PAK6: variants seen among roughly 807,000 people sequenced by gnomAD.
The protein encoded by PAK6 is p21 (RAC1) activated kinase 6, also known as serine/threonine-protein kinase PAK 6.
A neutral mutation model predicts 60.8 loss-of-function variants in PAK6; 33 were observed. The ratio of observed to expected loss-of-function variants is 0.54; its 90% CI spans 0.41 to 0.73. The LOEUF (loss-of-function observed/expected upper bound fraction) is 0.73, where lower values mean the gene tolerates loss of function less well. Ranked by LOEUF, PAK6 falls within the 30% of genes least tolerant of loss-of-function variation. The pLI is 0.00. For synonymous variants in PAK6, 404 were observed against 378.5 expected, an observed-to-expected ratio of 1.07 and a Z score of -0.78; for missense variants, 845 against 904.1, an observed-to-expected ratio of 0.93 and a Z score of 0.84.
chr15:40,249,290 G>T (rs1038906849), intron 2 of PAK6, among the ~76,000 whole-genome samples: 1 of 144,112 alleles, frequency 6.9e-6, no homozygotes, highest in Non-Finnish European at 1.5e-5. Context: ...AATCTTGGGG[G>T]ACATAGGTTT....
chr15:40,270,820 G>A (rs939577861), intron 5 of PAK6, among the ~76,000 whole-genome samples: 2 of 152,224 alleles, frequency 1.3e-5, no homozygotes, highest in Non-Finnish European at 2.9e-5. Context: ...CATGGCTGTC[G>A]GCCAGCAGGA....
chr15:40,275,371 C>T (rs549921461), intron 10 of PAK6, among the ~76,000 whole-genome samples: 10 of 137,100 alleles, frequency 7.3e-5, no homozygotes, highest in Admixed American at 8.1e-5. Context: ...CTGCAACCTC[C>T]GCCTCCTGGG....
chr15:40,252,517 C>G (rs745846311), intron 2 of PAK6: 5 of 1,363,314 alleles, frequency 3.7e-6, no homozygotes, highest in South Asian at 1.1e-5. Context: ...GGTTCGCCGC[C>G]GCGTCCTACC....
chr15:40,270,068 G>A (rs2039259903), intron 5 of PAK6, among the ~76,000 whole-genome samples: 1 of 152,206 alleles, frequency 6.6e-6, no homozygotes, highest in Non-Finnish European at 1.5e-5. Flanking sequence ...ATGGGTGCCT[G>A]GAGAGCATGT....
chr15:40,270,785 TG>T (rs1385257495), intron 5 of PAK6, among the ~76,000 whole-genome samples: 3 of 152,170 alleles, frequency 2.0e-5, no homozygotes, highest in Non-Finnish European at 2.9e-5. Flanking sequence ...CAGGCAGGTG[TG>T]GGGGTGGCAG....
At chr15:40,239,100 G>A (rs1435624449), upstream of PAK6, 1 of 152,270 alleles carries the variant, frequency 6.6e-6, no homozygotes. Flanking sequence ...CAAACGAGCA[G>A]GTCGATGCCT....
intron 6 of PAK6, 24 bp downstream of exon 6, chr15:40,272,745 G>A (rs761795518): frequency 1.3e-6 from 2 of 1,578,836 alleles, no homozygotes; most frequent in Non-Finnish European, 1.7e-6. Context: ...GTGGGACACA[G>A]ACGGGGGCGT....
intron 3 of PAK6, among the ~76,000 whole-genome samples, chr15:40,263,289 C>T (rs2039031751): frequency 6.6e-6 from 1 of 152,214 alleles, no homozygotes; most frequent in Non-Finnish European, 1.5e-5. Context: ...GTTTCAGTTT[C>T]TTGAAGCCTG....
In PAK6 at chr15:40,273,680, AC is replaced by A. The variant is rs1286007424; in HGVS notation, c.1743+6del. ...CAGGTCTTTGTATGCCACTGAGGTA[AC>A]CGTTCCCTCCACCCCCCAGACCTCC... On this transcript the variant is annotated splice_donor_5th_base_variant and intron_variant, in intron 9 of 10. Coordinates refer to ENST00000560346, the Ensembl canonical transcript of PAK6. The A allele has an allele frequency of 6.2e-7, 1 of 1,613,288 alleles. No homozygotes were observed. The highest frequency in any genetic ancestry group is 8.5e-7 in the Non-Finnish European group (1 of 1,179,526).
chr15:40,272,935 G>C (rs760026583), exon 7 of PAK6: 11 of 1,614,094 alleles, frequency 6.8e-6, no homozygotes, highest in Non-Finnish European at 9.3e-6. Context: ...GGTGGGCGAG[G>C]AGCTGTGGGT....
At chr15:40,266,576 G>A (rs1301538218) in intron 5 of PAK6, 81 bp downstream of exon 5, 5 of 1,385,646 alleles carry the variant, frequency 3.6e-6, no homozygotes, top group African/African-American at 1.5e-5. Flanking sequence ...TCCCCTTGGA[G>A]GACTGGCAAA....
At chr15:40,265,680 G>C (rs549872334) in intron 4 of PAK6, among the ~76,000 whole-genome samples, 162 bp from the exon 5 acceptor site, 1 of 152,330 alleles carries the variant, frequency 6.6e-6, no homozygotes, top group Admixed American at 6.5e-5. Context: ...GGTGGGCCCT[G>C]ATAAATTATG....
At chr15:40,267,255 CCT>C (rs919736090) in intron 5 of PAK6, among the ~76,000 whole-genome samples, 2 of 152,136 alleles carry the variant, frequency 1.3e-5, no homozygotes, top group African/African-American at 4.8e-5. Context: ...TGGGTACTCC[CCT>C]GTCATCGGTG....
chr15:40,252,222 C>T, intron 2 of PAK6: 1 of 1,171,030 alleles, frequency 8.5e-7, no homozygotes, highest in African/African-American at 1.6e-5. Context: ...GGAGAGTCGG[C>T]CCGCGGCTCT....
intron 3 of PAK6, among the ~76,000 whole-genome samples, chr15:40,262,205 C>T (rs967924424): frequency 1.3e-5 from 2 of 152,142 alleles, no homozygotes; most frequent in African/African-American, 4.8e-5. Flanking sequence ...GGGGAATAGA[C>T]CTGCTGAATA....
chr15:40,248,650 G>A (rs897772584), intron 2 of PAK6, among the ~76,000 whole-genome samples: 18 of 152,344 alleles, frequency 1.2e-4, no homozygotes, highest in African/African-American at 4.1e-4. Context: ...GGGAACCTGA[G>A]GGCCCCTCTG....
In PAK6 at chr15:40,271,981, G is replaced by A. The variant is rs528781734; in HGVS notation, c.859-243G>A. ...TCTGTCTTCCCAGGTGCAGCAGAGC[G>A]AGTGTAAGGAGCTGTCTTGGGCCTG... On this transcript the variant is annotated intron_variant, in intron 5 of 10. Transcript: ENST00000560346. 3.9e-3 allele frequency among the ~76,000 whole-genome samples: 591 copies of A among 152,352 alleles called. 2 individuals are homozygous for A. The highest frequency in any genetic ancestry group is 6.6e-3 in the Admixed American group (101 of 15,308).
At chr15:40,268,565 G>A (rs2039213443) in intron 5 of PAK6, among the ~76,000 whole-genome samples, 1 of 152,158 alleles carries the variant, frequency 6.6e-6, no homozygotes, top group African/African-American at 2.4e-5. Flanking sequence ...GGCTGACTCT[G>A]GACACTTGCA....
intron 10 of PAK6, among the ~76,000 whole-genome samples, chr15:40,275,461 T>C (rs570272806): frequency 5.3e-5 from 8 of 151,986 alleles, no homozygotes; most frequent in African/African-American, 1.9e-4. Flanking sequence ...AATTTTTGTA[T>C]TTTTAGTAGA....
Sources: allele counts gnomAD v4.1 joint callset (sites outside exome capture counted in the v4.1 genomes callset), GRCh38; gene constraint gnomAD v4.1.1; transcripts MANE v1.5; gene names NCBI Gene and HGNC (gene_info 2026-07-23, HGNC 2026-07-21).